Variants in ASIC2 observed in about 807,000 individuals in gnomAD.
ASIC2 encodes the protein acid sensing ion channel subunit 2, also known as acid-sensing ion channel 2.
ASIC2 carries 25 observed loss-of-function variants against 57.3 expected under a neutral mutation model. The ratio of observed to expected loss-of-function variants is 0.44; its 90% CI spans 0.32 to 0.61. ASIC2 has a LOEUF of 0.61. Among genes scored for constraint, ASIC2 ranks in the 20% least tolerant of loss-of-function variants. The probability of loss-of-function intolerance (pLI) is 0.06; values close to 1 mark genes in which losing one functional copy is unlikely to be tolerated. For missense variants in ASIC2, 641 were observed against 738.1 expected, an observed-to-expected ratio of 0.87 and a Z score of 1.52; for synonymous variants, 319 against 307.5, an observed-to-expected ratio of 1.04 and a Z score of -0.39.
At chr17:33,568,823 G>A (rs746606684) in intron 1 of ASIC2, among the ~76,000 whole-genome samples, 2 of 152,088 alleles carry the variant, frequency 1.3e-5, no homozygotes, top group Admixed American at 6.5e-5. Context: ...GGCCATATGG[G>A]TGTTCTTACA....
At chr17:33,632,058 G>A (rs1195538184) in intron 1 of ASIC2, among the ~76,000 whole-genome samples, 3 of 152,178 alleles carry the variant, frequency 2.0e-5, no homozygotes, top group Admixed American at 2.0e-4. Context: ...TTGAGGGACA[G>A]AACTGGGTTC....
intron 1 of ASIC2, chr17:34,038,370 G>T: frequency 6.2e-7 from 1 of 1,611,256 alleles, no homozygotes; most frequent in Non-Finnish European, 8.5e-7. Context: ...ACTATTCTGG[G>T]ATGGTCCAGC....
intron 1 of ASIC2, among the ~76,000 whole-genome samples, chr17:34,030,488 G>C (rs1244263456): frequency 6.6e-6 from 1 of 152,202 alleles, no homozygotes; most frequent in African/African-American, 2.4e-5. Context: ...CATCTCACTG[G>C]GGAGTGCCAG....
At chr17:33,730,775 C>G (rs1909715921) in intron 1 of ASIC2, among the ~76,000 whole-genome samples, 1 of 152,184 alleles carries the variant, frequency 6.6e-6, no homozygotes. Flanking sequence ...CTGTGTGTAT[C>G]TTGCACAAAG....
rs75220746 is a variant in ASIC2, at chr17:34,105,752, C to T, written c.555+50226G>A. ...TTGACATTTCAAGTTCTCTCTTGCT[C>T]GTTCTTACTATGTATATGTGTGGGT... is the stretch of plus-strand genomic sequence containing the variant. On this transcript the variant is annotated intron_variant, in intron 1 of 9. Transcript: ENST00000359872. Among the ~76,000 whole-genome samples the T allele has an allele frequency of 3.5e-4, 53 of 152,038 alleles. No homozygotes were observed. The East Asian group carries it at 9.7e-3, about 28-fold the overall frequency.
chr17:34,072,525 A>T (rs546330244), intron 1 of ASIC2, among the ~76,000 whole-genome samples: 1 of 152,352 alleles, frequency 6.6e-6, no homozygotes, highest in African/African-American at 2.4e-5. Context: ...CCCAGGTTCT[A>T]AAAGCAATAT....
intron 1 of ASIC2, among the ~76,000 whole-genome samples, chr17:33,240,616 G>C (rs759948465): frequency 2.4e-4 from 37 of 152,176 alleles, no homozygotes; most frequent in Admixed American, 3.9e-4. Flanking sequence ...TTCCCCACCT[G>C]ATCTGCCTGT....
chr17:33,067,748 CA>C (rs1230706674), intron 3 of ASIC2, among the ~76,000 whole-genome samples: 1 of 152,112 alleles, frequency 6.6e-6, no homozygotes, highest in African/African-American at 2.4e-5. Flanking sequence ...AGAGAAACAG[CA>C]ACTTTGCAAA....
At chr17:33,754,453 T>C (rs538012167) in intron 1 of ASIC2, among the ~76,000 whole-genome samples, 11 of 152,220 alleles carry the variant, frequency 7.2e-5, no homozygotes, top group Non-Finnish European at 1.3e-4. Flanking sequence ...AGGTCACCCC[T>C]GAGCTCCTGG....
At position 33,186,439 on chromosome 17, in the gene ASIC2, G is replaced by A. The variant is rs117994683; in HGVS notation, c.709-74372C>T. ...TACATCATCTTAATGGGCATTTCTC[G>A]CTTTATTTTTTGGCTAATGACTTAT... On this transcript the variant is annotated intron_variant, in intron 1 of 9. Coordinates refer to ENST00000225823, the MANE Select transcript of ASIC2 (RefSeq NM_183377.2). Among the ~76,000 whole-genome samples the A allele has an allele frequency of 4.7e-3, 714 of 152,110 alleles. 3 individuals carry two copies. Among genetic ancestry groups the A allele is most frequent in the Non-Finnish European group, 6.2e-3 (419 of 67,984 alleles).
At chr17:33,566,614 C>T (rs543048265) in intron 1 of ASIC2, among the ~76,000 whole-genome samples, 1 of 152,202 alleles carries the variant, frequency 6.6e-6, no homozygotes. Flanking sequence ...TTCCCCCTTA[C>T]AGCAGAACAG....
chr17:33,330,782 T>G (rs1359911954), intron 1 of ASIC2, among the ~76,000 whole-genome samples: 2 of 152,192 alleles, frequency 1.3e-5, no homozygotes, highest in Non-Finnish European at 2.9e-5. Context: ...GATTGAGTCA[T>G]AAGAATAGAC....
intron 1 of ASIC2, among the ~76,000 whole-genome samples, chr17:34,099,318 G>A (rs1033405726): frequency 4.9e-5 from 7 of 142,372 alleles, no homozygotes; most frequent in African/African-American, 1.9e-4. Flanking sequence ...AGAAAGAAAG[G>A]AAAGAAAGAA....
At chr17:33,151,611 T>C (rs151185885) in intron 1 of ASIC2, among the ~76,000 whole-genome samples, 1,576 of 152,254 alleles carry the variant, frequency 0.01, 25 homozygotes, top group African/African-American at 0.036. Context: ...TCTGCTCTCA[T>C]GAATAAATTA....
intron 1 of ASIC2, among the ~76,000 whole-genome samples, chr17:33,912,085 A>C (rs1049987901): frequency 6.8e-4 from 94 of 138,204 alleles, no homozygotes; most frequent in Non-Finnish European, 6.3e-4. Context: ...GGTTGCAGTG[A>C]GCTGAAATCA....
chr17:33,054,960 T>C (rs1481491422), intron 3 of ASIC2, among the ~76,000 whole-genome samples: 1 of 152,106 alleles, frequency 6.6e-6, no homozygotes, highest in East Asian at 1.9e-4. Context: ...TCCATCACCA[T>C]TGGCCACATG....
At chr17:33,307,959 GT>G (rs1236422361) in intron 1 of ASIC2, among the ~76,000 whole-genome samples, 1 of 152,192 alleles carries the variant, frequency 6.6e-6, no homozygotes, top group Non-Finnish European at 1.5e-5. Context: ...TTGTGCAACG[GT>G]TGTTAGCTCC....
chr17:33,196,307 A>G (rs1906625666), intron 1 of ASIC2, among the ~76,000 whole-genome samples: 1 of 146,020 alleles, frequency 6.8e-6, no homozygotes, highest in Non-Finnish European at 1.5e-5. Context: ...ACACGAGACG[A>G]TGATGATGAC....
chr17:33,661,410 A>G (rs1035546697), intron 1 of ASIC2, among the ~76,000 whole-genome samples: 3 of 152,244 alleles, frequency 2.0e-5, no homozygotes, highest in African/African-American at 7.2e-5. Context: ...GCCCCATTGC[A>G]CAATAACGAG....
Sources: gnomAD v4.1 joint callset for allele counts (sites outside exome capture counted in the v4.1 genomes callset) on GRCh38, gnomAD v4.1.1 for gene constraint, MANE v1.5 for transcripts, NCBI Gene and HGNC (gene_info 2026-07-23, HGNC 2026-07-21) for gene names.